The following XPNPEP3 variants were observed in gnomAD, a reference collection of about 807,000 sequenced individuals.
The protein encoded by XPNPEP3 is X-prolyl aminopeptidase 3.
In XPNPEP3, 41 loss-of-function variants were observed where a neutral mutation model predicts 60.0. The observed-to-expected ratio is 0.68, with a 90% CI of 0.53 to 0.89. The LOEUF (loss-of-function observed/expected upper bound fraction) is 0.89. Among genes scored for constraint, XPNPEP3 ranks in the 40% least tolerant of loss-of-function variants. XPNPEP3 has a pLI of 0.00. For synonymous variants in XPNPEP3, 212 were observed against 223.2 expected (o/e 0.95, Z 0.45); for missense variants, 598 against 638.9 (o/e 0.94, Z 0.69).
chr22:40,926,366 T>C lies in XPNPEP3; in HGVS notation c.1455T>C (p.Pro485=). The C allele has an allele frequency of 1.9e-6, 3 of 1,614,162 alleles. No individual in the cohort carries two copies. The highest frequency in any genetic ancestry group is 2.5e-6 in the Non-Finnish European group (3 of 1,180,016). The change falls in exon 10 of 10, where the codon CCT becomes CCC. Residue 485 remains proline, a synonymous_variant. Transcript: ENST00000357137. The part of the protein sequence containing the change: ...EDDVVVTQDS[P]LILSADCPKE... ...ATGTAGTGGTGACTCAGGACTCACC[T>C]CTCATCCTTTCTGCAGACTGTCCCA... is the stretch of plus-strand genomic sequence containing the variant.
chr22:40,896,011 T>C (rs1439356289), intron 4 of XPNPEP3, among the ~76,000 whole-genome samples: 1 of 152,222 alleles, frequency 6.6e-6, no homozygotes, highest in Non-Finnish European at 1.5e-5. Context: ...CATGCTGATA[T>C]TAAAACACAG....
chr22:40,861,542 A>G (rs1569012097), intron 1 of XPNPEP3: 1 of 1,613,516 alleles, frequency 6.2e-7, no homozygotes, highest in African/African-American at 1.3e-5. Context: ...TATCATATGA[A>G]GAAAATTTCT....
At chr22:40,860,985 ATTAAGTG>A in intron 1 of XPNPEP3, 4 of 1,336,746 alleles carry the variant, frequency 3.0e-6, no homozygotes, top group Admixed American at 2.3e-5. Flanking sequence ...TTAGTATAGT[ATTAAGTG>A]TTATCTACAA....
At chr22:40,904,154 A>C (rs1037804478) in intron 4 of XPNPEP3, among the ~76,000 whole-genome samples, 1 of 152,156 alleles carries the variant, frequency 6.6e-6, no homozygotes, top group Non-Finnish European at 1.5e-5. Flanking sequence ...AAGAAGTGCC[A>C]ATCATAAAGT....
chr22:40,895,120 C>T (rs556563309), intron 4 of XPNPEP3, among the ~76,000 whole-genome samples: 12 of 152,232 alleles, frequency 7.9e-5, no homozygotes, highest in Admixed American at 4.6e-4. Flanking sequence ...ATCTGTGAAC[C>T]AGTCCAATTG....
rs1009193587 is a variant in XPNPEP3, at chr22:40,883,639, G to T, written c.589+1462G>T. Among the ~76,000 whole-genome samples the T allele has an allele frequency of 6.6e-5, 10 of 152,246 alleles. No homozygotes were observed. The East Asian group carries it at 1.2e-3, about 18-fold the overall frequency. Reference sequence around the variant, plus strand: ...AGCCTCCTGAAGTGCTGGGATTACAGGTGTGAGGCACCGTGCCTGGCCATA... The same window carrying T: ...AGCCTCCTGAAGTGCTGGGATTACATGTGTGAGGCACCGTGCCTGGCCATA... On this transcript the variant is annotated intron_variant, in intron 3 of 9. Coordinates refer to ENST00000357137, the MANE Select transcript of XPNPEP3 (RefSeq NM_022098.4).
intron 6 of XPNPEP3, among the ~76,000 whole-genome samples, chr22:40,912,202 G>T (rs987268349): frequency 6.6e-6 from 1 of 151,922 alleles, no homozygotes; most frequent in Non-Finnish European, 1.5e-5. Flanking sequence ...TTCATAGATA[G>T]ACATTTATGA....
At chr22:40,922,172 A>G (rs1235486736) in intron 7 of XPNPEP3, among the ~76,000 whole-genome samples, 161 bp from the exon 8 acceptor site, 6 of 152,142 alleles carry the variant, frequency 3.9e-5, no homozygotes, top group Non-Finnish European at 2.9e-5. Flanking sequence ...CACCTAGGAC[A>G]TGATTGAGCT....
chr22:40,864,233 A>G (rs2057966145), intron 1 of XPNPEP3, among the ~76,000 whole-genome samples: 1 of 152,204 alleles, frequency 6.6e-6, no homozygotes, highest in Non-Finnish European at 1.5e-5. Context: ...TGACGTTGCC[A>G]TGGCATCTGT....
chr22:40,907,218 G>A (rs1392723433), intron 4 of XPNPEP3: 16 of 457,820 alleles, frequency 3.5e-5, no homozygotes, highest in Non-Finnish European at 6.6e-5. Flanking sequence ...TCAGGAGATC[G>A]AGACCATCCT....
At chr22:40,895,754 C>T (rs1448141568) in intron 4 of XPNPEP3, among the ~76,000 whole-genome samples, 1 of 152,154 alleles carries the variant, frequency 6.6e-6, no homozygotes, top group Non-Finnish European at 1.5e-5. Context: ...AGACTTCTAA[C>T]CAGACTTTTT....
chr22:40,875,355 A>T (rs2048925316), intron 2 of XPNPEP3, among the ~76,000 whole-genome samples: 1 of 152,102 alleles, frequency 6.6e-6, no homozygotes, highest in South Asian at 2.1e-4. Context: ...ATTTTTGTAG[A>T]GATGGGATCT....
At chr22:40,908,639 C>T (rs779802968) in intron 5 of XPNPEP3, among the ~76,000 whole-genome samples, 2 of 152,204 alleles carry the variant, frequency 1.3e-5, no homozygotes, top group Non-Finnish European at 2.9e-5. Flanking sequence ...TCCTTTTTCA[C>T]TTTTCCAGAG....
chr22:40,865,193 C>T (rs937198209), intron 1 of XPNPEP3, among the ~76,000 whole-genome samples: 17 of 152,146 alleles, frequency 1.1e-4, no homozygotes, highest in Admixed American at 5.9e-4. Context: ...TGGCATACTC[C>T]AATCTGTCTT....
chr22:40,868,330 C>T lies in XPNPEP3; in HGVS notation c.65-669C>T, dbSNP rs923410235. Among the ~76,000 whole-genome samples the T allele has an allele frequency of 1.2e-4, 18 of 151,932 alleles. 1 individual carries two copies. The highest frequency in any genetic ancestry group is 4.1e-4 in the African/African-American group (17 of 41,340). On this transcript the variant is annotated intron_variant, in intron 1 of 9. Coordinates refer to ENST00000357137, the MANE Select transcript of XPNPEP3 (RefSeq NM_022098.4). ...CAGCTTTATGCTATCTCTGTGATAC[C>T]CTTTCAAACTGCCTCTGTGATATCC...
chr22:40,863,021 A>G (rs2057959634), intron 1 of XPNPEP3, among the ~76,000 whole-genome samples: 1 of 152,224 alleles, frequency 6.6e-6, no homozygotes, highest in Non-Finnish European at 1.5e-5. Context: ...TATTGCTGAG[A>G]CCTATATGAC....
At chr22:40,897,925 A>T (rs2058115429) in intron 4 of XPNPEP3, among the ~76,000 whole-genome samples, 1 of 151,776 alleles carries the variant, frequency 6.6e-6, no homozygotes, top group East Asian at 1.9e-4. Context: ...CCATTTTTTA[A>T]ATTGGGCTGG....
chr22:40,891,587 A>G (rs930474195), intron 4 of XPNPEP3, among the ~76,000 whole-genome samples: 37 of 151,688 alleles, frequency 2.4e-4, no homozygotes, highest in African/African-American at 8.7e-4. Context: ...TGGGAGGCAG[A>G]GGTTGCAGTG....
chr22:40,897,318 G>A (rs1387062998), intron 4 of XPNPEP3, among the ~76,000 whole-genome samples: 3 of 152,056 alleles, frequency 2.0e-5, no homozygotes, highest in African/African-American at 4.8e-5. Context: ...GTAATCCACC[G>A]TGCCCGGCCT....
Sources: gnomAD v4.1 joint callset for allele counts (sites outside exome capture counted in the v4.1 genomes callset) on GRCh38, gnomAD v4.1.1 for gene constraint, MANE v1.5 for transcripts, NCBI Gene and HGNC (gene_info 2026-07-23, HGNC 2026-07-21) for gene names.